MED26: variants seen among roughly 807,000 people sequenced by gnomAD.
The protein encoded by MED26 is mediator complex subunit 26, also known as mediator of RNA polymerase II transcription subunit 26.
Under a neutral mutation model 43.7 loss-of-function variants are expected in MED26, and 7 were observed. The observed-to-expected ratio is 0.16, with a 90% CI of 0.09 to 0.30. MED26 has a LOEUF of 0.30. MED26 is among the 10% of genes least tolerant of loss of function. The pLI, the probability that MED26 is intolerant of heterozygous loss-of-function variation, is 1.00. For missense variants in MED26, 784 were observed against 840.6 expected (o/e 0.93, Z 0.83); for synonymous variants, 375 against 371.1 (o/e 1.01, Z -0.12).
Position 16,582,523 on chromosome 19 carries a change from G to A in MED26, c.73-4114C>T, listed in dbSNP as rs2086050819. 2.0e-5 allele frequency among the ~76,000 whole-genome samples: 3 copies of A among 152,216 alleles called. No homozygotes were observed. The South Asian group carries it at 6.2e-4, about 31-fold the overall frequency. Reference sequence around the variant, plus strand: ...TTCTGACCCTGGCCCTGGGGACCCTGCCTTAACAACCAACTGACCCCCCAC... The same window carrying A: ...TTCTGACCCTGGCCCTGGGGACCCTACCTTAACAACCAACTGACCCCCCAC... On this transcript the variant is annotated intron_variant, in intron 1 of 2. Coordinates refer to ENST00000263390, the MANE Select transcript of MED26 (RefSeq NM_004831.5).
intron 1 of MED26, among the ~76,000 whole-genome samples, chr19:16,609,398 C>T (rs974420897): frequency 2.0e-5 from 3 of 149,524 alleles, no homozygotes; most frequent in Admixed American, 1.3e-4. Flanking sequence ...GATACAAAAG[C>T]TCAGCAAAAA....
At chr19:16,610,807 G>A (rs1393733217) in intron 1 of MED26, 1 of 152,290 alleles carries the variant, frequency 6.6e-6, no homozygotes, top group African/African-American at 2.4e-5. Flanking sequence ...ATGGAAGGCT[G>A]AAAGCAGTGT....
intron 1 of MED26, among the ~76,000 whole-genome samples, chr19:16,623,959 T>C (rs920560818): frequency 1.3e-5 from 2 of 152,092 alleles, no homozygotes; most frequent in African/African-American, 4.8e-5. Flanking sequence ...CTTCTGCACC[T>C]GCAAAAGGGG....
At chr19:16,623,253 G>A (rs1418120672) in intron 1 of MED26, among the ~76,000 whole-genome samples, 5 of 152,138 alleles carry the variant, frequency 3.3e-5, no homozygotes, top group Non-Finnish European at 7.3e-5. Context: ...AGAACACCAC[G>A]CTGCTCCTCT....
At chr19:16,596,757 C>T (rs1403204133) in intron 1 of MED26, among the ~76,000 whole-genome samples, 2 of 152,162 alleles carry the variant, frequency 1.3e-5, no homozygotes, top group African/African-American at 4.8e-5. Context: ...GTGACAGGAC[C>T]TGGGGTAAGG....
intron 1 of MED26, among the ~76,000 whole-genome samples, chr19:16,627,318 C>G (rs2086283476): frequency 6.6e-6 from 1 of 152,122 alleles, no homozygotes; most frequent in African/African-American, 2.4e-5. Context: ...CTCCACGTAC[C>G]CTAGGTACCC....
rs1230433375 is a variant in MED26 at position 16,575,599 on chromosome 19, AAG to A, written c.*426_*427del. On this transcript the variant is annotated 3_prime_UTR_variant, in exon 3 of 3. Coordinates refer to ENST00000263390, the MANE Select transcript of MED26 (RefSeq NM_004831.5). ...GGCCAAATTAAAGAACAGAAAATGC[AAG>A]AGAGATGAGATGCGTGCTTCTGTTG... 5.2e-5 allele frequency: 9 copies of A among 173,960 alleles called. No individual in the cohort carries two copies. In the East Asian group the frequency reaches 9.1e-4, roughly 18 times the overall value. 10.8% of individuals were successfully genotyped at this position (173,960 alleles called of 1,614,324 possible). A position where few individuals can be genotyped will look rare whatever the true frequency, so the allele number is the denominator to read the frequency against.
chr19:16,620,418 G>C (rs546563326), intron 1 of MED26, among the ~76,000 whole-genome samples: 16 of 152,224 alleles, frequency 1.1e-4, no homozygotes, highest in Non-Finnish European at 1.9e-4. Context: ...GAATGCAGGT[G>C]AAGTGCTGAA....
At position 16,586,156 on chromosome 19, in the gene MED26, G is replaced by A. The variant is rs1450168771; in HGVS notation, c.73-7747C>T. Among the ~76,000 whole-genome samples the A allele has an allele frequency of 6.6e-6, 1 of 152,234 alleles. No homozygotes were observed. The highest frequency in any genetic ancestry group is 1.5e-5 in the Non-Finnish European group (1 of 68,042). The stretch of plus-strand genomic sequence containing the variant: ...CTGCCCAAGGTCTGACCAACCAATA[G>A]TCCCAAGGGTGCTGAGCCTGGGCAG... On this transcript the variant is annotated intron_variant, in intron 1 of 2. Coordinates refer to ENST00000263390, the MANE Select transcript of MED26 (RefSeq NM_004831.5). This position sits in a 1 kb window ranked among gnomAD's most constrained non-coding sequence, Gnocchi z 5.1.
chr19:16,620,322 C>T (rs2086246067), intron 1 of MED26, among the ~76,000 whole-genome samples: 1 of 152,256 alleles, frequency 6.6e-6, no homozygotes, highest in Non-Finnish European at 1.5e-5. Context: ...TAGCCTCCTT[C>T]CAGCTGTGTC....
rs2086020583 is a variant in MED26, at chr19:16,577,869, C to T, written c.148-187G>A. The T allele has an allele frequency of 3.7e-6, 2 of 543,794 alleles. No individual in the cohort carries two copies. Among genetic ancestry groups the T allele is most frequent in the Non-Finnish European group, 6.4e-6 (2 of 313,394 alleles). The allele number at this position is 543,794 out of a possible 1,614,324, so 33.7% of individuals were successfully genotyped here. A position where few individuals can be genotyped will look rare whatever the true frequency, so the allele number is the denominator to read the frequency against. On this transcript the variant is annotated intron_variant, in intron 2 of 2. Coordinates refer to ENST00000263390, the MANE Select transcript of MED26 (RefSeq NM_004831.5). The surrounding 1 kb of genome is among the most constrained non-coding windows in gnomAD (Gnocchi z 8.1). Reference sequence around the variant, plus strand: ...CTTTGTGACAATATAAATTCTCAAACCTAGTTCCCAGACCTTCAGGGTCCC... The same window carrying T: ...CTTTGTGACAATATAAATTCTCAAATCTAGTTCCCAGACCTTCAGGGTCCC...
chr19:16,623,345 T>C (rs1037177034), intron 1 of MED26, among the ~76,000 whole-genome samples: 2 of 152,180 alleles, frequency 1.3e-5, no homozygotes, highest in African/African-American at 4.8e-5. Flanking sequence ...GGCATTTACA[T>C]GTTTGGGTTT....
intron 1 of MED26, among the ~76,000 whole-genome samples, chr19:16,624,886 A>G (rs1198966599): frequency 6.6e-6 from 1 of 152,212 alleles, no homozygotes; most frequent in Non-Finnish European, 1.5e-5. Context: ...GGGAGAAGAC[A>G]AGACAGGAAA....
intron 1 of MED26, among the ~76,000 whole-genome samples, chr19:16,622,822 C>T (rs961669390): frequency 1.2e-4 from 19 of 152,164 alleles, no homozygotes; most frequent in Non-Finnish European, 8.8e-5. Flanking sequence ...GCCAGGGGAC[C>T]CCTCCCGCTG....
At chr19:16,591,956 G>A (rs965268382) in intron 1 of MED26, among the ~76,000 whole-genome samples, 3 of 152,182 alleles carry the variant, frequency 2.0e-5, no homozygotes, top group African/African-American at 4.8e-5. Flanking sequence ...TCACCAGGGA[G>A]CTGCTTTGAA....
Position 16,575,916 on chromosome 19 carries a change from T to C in MED26, c.*111A>G, listed in dbSNP as rs1229419721. 3 of 889,122 alleles carry C rather than the reference T, an allele frequency of 3.4e-6. No individual in the cohort carries two copies. Among genetic ancestry groups the C allele is most frequent in the Non-Finnish European group, 5.1e-6 (3 of 586,368 alleles). 55.1% of individuals were successfully genotyped at this position (889,122 alleles called of 1,614,324 possible). On this transcript the variant is annotated 3_prime_UTR_variant, in exon 3 of 3. Coordinates refer to ENST00000263390, the MANE Select transcript of MED26 (RefSeq NM_004831.5). ...CCCCTCCCTCCCGCCTGGGCCGGACTCCCCGAGTTCCCAGCGCAGGAGGCA... is the reference window on the plus strand; with the variant it reads ...CCCCTCCCTCCCGCCTGGGCCGGACCCCCCGAGTTCCCAGCGCAGGAGGCA...
intron 1 of MED26, among the ~76,000 whole-genome samples, chr19:16,603,811 G>A (rs746717362): frequency 3.3e-5 from 5 of 152,162 alleles, no homozygotes; most frequent in Admixed American, 6.5e-5. Flanking sequence ...TAAGGCTCCA[G>A]GCAGTGGTGA....
intron 1 of MED26, among the ~76,000 whole-genome samples, chr19:16,603,179 A>G (rs559440313): frequency 1.8e-4 from 28 of 152,308 alleles, no homozygotes; most frequent in Non-Finnish European, 3.2e-4. Context: ...CTCATGTGCA[A>G]ATAAATGGAC....
At chr19:16,583,672 A>G (rs2086056753) in intron 1 of MED26, among the ~76,000 whole-genome samples, 1 of 152,086 alleles carries the variant, frequency 6.6e-6, no homozygotes, top group Non-Finnish European at 1.5e-5. Flanking sequence ...TGGCACAGGT[A>G]TACATGCAGG....
Sources: allele counts gnomAD v4.1 joint callset (sites outside exome capture counted in the v4.1 genomes callset), GRCh38; gene constraint gnomAD v4.1.1; non-coding constraint Gnocchi (gnomAD v3.1); transcripts MANE v1.5; gene names NCBI Gene and HGNC (gene_info 2026-07-23, HGNC 2026-07-21).